The following MRPS27 variants were observed in gnomAD, a reference collection of about 807,000 sequenced individuals.
MRPS27 encodes the protein small ribosomal subunit protein mS27.
MRPS27 carries 43 observed loss-of-function variants against 48.9 expected under a neutral mutation model. That is an observed-to-expected ratio of 0.88 (90% CI 0.69 to 1.13). MRPS27 has a LOEUF of 1.13. Among genes scored for constraint, MRPS27 ranks in the 50% most tolerant of loss-of-function variants. MRPS27 has a pLI of 0.00. For missense variants in MRPS27, 467 were observed against 476.3 expected, an observed-to-expected ratio of 0.98 and a Z score of 0.18; for synonymous variants, 188 against 171.9, an observed-to-expected ratio of 1.09 and a Z score of -0.73.
At chr5:72,260,918 T>C (rs1179824449) in intron 4 of MRPS27, among the ~76,000 whole-genome samples, 1 of 152,192 alleles carries the variant, frequency 6.6e-6, no homozygotes, top group Non-Finnish European at 1.5e-5. Flanking sequence ...GGCTGGAGTG[T>C]AGTGGCGTGA....
intron 4 of MRPS27, among the ~76,000 whole-genome samples, chr5:72,276,967 G>A (rs1333940033): frequency 2.0e-5 from 3 of 152,042 alleles, no homozygotes; most frequent in Admixed American, 6.5e-5. Flanking sequence ...GGAGGCGGAG[G>A]TTGCAATGAG....
intron 5 of MRPS27, among the ~76,000 whole-genome samples, chr5:72,236,016 ATG>A (rs1748191588): frequency 6.6e-6 from 1 of 152,158 alleles, no homozygotes; most frequent in Non-Finnish European, 1.5e-5. Flanking sequence ...TGAGTACAGC[ATG>A]TGTTAATAAA....
At chr5:72,248,015 A>G (rs1433916392) in intron 4 of MRPS27, among the ~76,000 whole-genome samples, 1 of 152,194 alleles carries the variant, frequency 6.6e-6, no homozygotes, top group Admixed American at 6.5e-5. Context: ...CACTCACCAA[A>G]CAAACAAAAA....
intron 4 of MRPS27, among the ~76,000 whole-genome samples, chr5:72,282,299 CT>C (rs1158316180): frequency 6.6e-6 from 1 of 152,220 alleles, no homozygotes; most frequent in Admixed American, 6.5e-5. Context: ...CTTGAAGCTT[CT>C]GTTTATCTAC....
chr5:72,275,030 G>C (rs1438956361), intron 4 of MRPS27, among the ~76,000 whole-genome samples: 2 of 152,056 alleles, frequency 1.3e-5, no homozygotes, highest in African/African-American at 2.4e-5. Context: ...TCTGCCCAGG[G>C]GAATCAGGCA....
At chr5:72,304,883 T>C (rs1750219334) in intron 2 of MRPS27, among the ~76,000 whole-genome samples, 1 of 152,248 alleles carries the variant, frequency 6.6e-6, no homozygotes, top group Non-Finnish European at 1.5e-5. Context: ...TCTGGGCTTA[T>C]GGTCATCTGC....
intron 1 of MRPS27, among the ~76,000 whole-genome samples, chr5:72,319,158 T>C (rs1477582554): frequency 2.0e-5 from 3 of 152,240 alleles, no homozygotes; most frequent in Non-Finnish European, 4.4e-5. Context: ...AATATGTCTG[T>C]CTGGATTATG....
chr5:72,241,692 T>A, intron 4 of MRPS27: 2 of 1,535,312 alleles, frequency 1.3e-6, no homozygotes, highest in Non-Finnish European at 8.7e-7. Flanking sequence ...TCCCTTTCTG[T>A]CAGAAGAAAG....
intron 4 of MRPS27, among the ~76,000 whole-genome samples, chr5:72,247,249 A>G (rs1487268639): frequency 2.0e-5 from 3 of 152,188 alleles, no homozygotes; most frequent in African/African-American, 7.2e-5. Flanking sequence ...CAAACAAAAT[A>G]CACTTGAACT....
At position 72,244,050 on chromosome 5, in the gene MRPS27, C is replaced by T. The variant is rs1351597885; in HGVS notation, c.282-5922G>A. ...AGCAAATAAGATAATAAAACCACCA[C>T]AATATCATCTATTGGTTGGTTTATA... On this transcript the variant is annotated intron_variant, in intron 4 of 10. Coordinates refer to ENST00000261413, the MANE Select transcript of MRPS27 (RefSeq NM_015084.3). Among the ~76,000 whole-genome samples, 7 of 152,166 alleles carry T rather than the reference C, an allele frequency of 4.6e-5. No homozygotes were observed. The East Asian group carries it at 7.7e-4, about 17-fold the overall frequency.
intron 9 of MRPS27, among the ~76,000 whole-genome samples, chr5:72,224,093 T>C (rs1448627434): frequency 2.0e-5 from 3 of 152,090 alleles, no homozygotes; most frequent in African/African-American, 7.2e-5. Context: ...CTGGGTATGG[T>C]GGCTCATGCC....
intron 4 of MRPS27, among the ~76,000 whole-genome samples, chr5:72,285,003 G>T (rs1580098440): frequency 6.6e-6 from 1 of 152,086 alleles, no homozygotes; most frequent in African/African-American, 2.4e-5. Context: ...GGGCCAGAGG[G>T]TATTGTACTT....
At chr5:72,244,520 T>A (rs948825085) in intron 4 of MRPS27, among the ~76,000 whole-genome samples, 4 of 152,220 alleles carry the variant, frequency 2.6e-5, no homozygotes, top group African/African-American at 7.2e-5. Flanking sequence ...TTATTCTCTC[T>A]CCCTGCTCTC....
intron 5 of MRPS27, among the ~76,000 whole-genome samples, chr5:72,234,990 T>C (rs1439343365): frequency 1.3e-5 from 2 of 152,124 alleles, no homozygotes; most frequent in Non-Finnish European, 2.9e-5. Flanking sequence ...TTGGAACCAG[T>C]AGAAACACCT....
At chr5:72,248,052 G>A (rs957690931) in intron 4 of MRPS27, among the ~76,000 whole-genome samples, 20 of 152,168 alleles carry the variant, frequency 1.3e-4, no homozygotes, top group African/African-American at 3.9e-4. Flanking sequence ...TGTAAAGACA[G>A]AAAAATTAAG....
chr5:72,258,670 A>C (rs2111995763), intron 4 of MRPS27, among the ~76,000 whole-genome samples: 1 of 152,298 alleles, frequency 6.6e-6, no homozygotes, highest in Non-Finnish European at 1.5e-5. Flanking sequence ...GAACATGGCA[A>C]TCAAGGTGCC....
intron 7 of MRPS27, among the ~76,000 whole-genome samples, chr5:72,232,059 A>C (rs1748076709): frequency 6.6e-6 from 1 of 152,206 alleles, no homozygotes; most frequent in Non-Finnish European, 1.5e-5. Flanking sequence ...TGCCCTAGAG[A>C]AACCTTAGGA....
In MRPS27 at chr5:72,248,051, A is replaced by G. The variant is rs543561991; in HGVS notation, c.282-9923T>C. Among the ~76,000 whole-genome samples, 4 of 152,390 alleles carry G rather than the reference A, an allele frequency of 2.6e-5. No individual in the cohort carries two copies. In the South Asian group the frequency reaches 8.3e-4, roughly 32 times the overall value. On this transcript the variant is annotated intron_variant, in intron 4 of 10. Transcript: ENST00000261413. ...CCCTTAGTTGTTTACATGTAAAGAC[A>G]GAAAAATTAAGGTGACCTTTCTTTC...
intron 2 of MRPS27, among the ~76,000 whole-genome samples, chr5:72,307,435 T>C (rs548699143): frequency 1.4e-4 from 21 of 152,348 alleles, no homozygotes; most frequent in Admixed American, 1.2e-3. Flanking sequence ...CCTATTAATA[T>C]TTTAGGTGTG....
Sources: allele counts gnomAD v4.1 joint callset (sites outside exome capture counted in the v4.1 genomes callset), GRCh38; gene constraint gnomAD v4.1.1; transcripts MANE v1.5; gene names NCBI Gene and HGNC (gene_info 2026-07-23, HGNC 2026-07-21).